RALGDS: variants seen among roughly 807,000 people sequenced by gnomAD.
RALGDS encodes ral guanine nucleotide dissociation stimulator.
A neutral mutation model predicts 99.8 loss-of-function variants in RALGDS; 44 were observed. The observed-to-expected ratio is 0.44, with a 90% CI of 0.35 to 0.57. The LOEUF (loss-of-function observed/expected upper bound fraction) is 0.57. Ranked by LOEUF, RALGDS falls within the 20% of genes least tolerant of loss-of-function variation. The pLI is 0.01. For synonymous variants in RALGDS, 529 were observed against 505.0 expected, an observed-to-expected ratio of 1.05 and a Z score of -0.64; for missense variants, 1,022 against 1,203.1, an observed-to-expected ratio of 0.85 and a Z score of 2.23.
At chr9:133,115,247 T>TG (rs924056172) in intron 1 of RALGDS, among the ~76,000 whole-genome samples, 1 of 152,202 alleles carries the variant, frequency 6.6e-6, no homozygotes, top group Non-Finnish European at 1.5e-5. Context: ...CCGTAGCTAG[T>TG]GGCCCCCTGC....
chr9:133,101,471 C>T, intron 16 of RALGDS, 49 bp downstream of exon 16: 4 of 1,607,452 alleles, frequency 2.5e-6, no homozygotes, highest in Non-Finnish European at 3.4e-6. Flanking sequence ...GTTCAGGGTG[C>T]ATTTGCCGCC....
At position 133,105,836 on chromosome 9, in the gene RALGDS, AGCCCCC is replaced by A. The variant is rs578071557; in HGVS notation, c.1602+90_1602+95del. ...CGCCCGCCGCCCCAGCCCCCGCCCCAGCCCCCGCCCCAGCCCCCGCCCCAGCCCCAG... is the reference window on the plus strand; with the variant it reads ...CGCCCGCCGCCCCAGCCCCCGCCCCAGCCCCAGCCCCCGCCCCAGCCCCAG... On this transcript the variant is annotated intron_variant, in intron 9 of 17. Coordinates refer to ENST00000372050, the MANE Select transcript of RALGDS (RefSeq NM_006266.4). The A allele has an allele frequency of 2.7e-3, 512 of 188,262 alleles. 21 individuals carry two copies. The African/African-American group carries it at 0.037, about 14-fold the overall frequency. 11.7% of individuals were successfully genotyped at this position (188,262 alleles called of 1,614,324 possible). A position where few individuals can be genotyped will look rare whatever the true frequency, so the allele number is the denominator to read the frequency against.
At chr9:133,136,881 G>A (rs1367628244) in intron 1 of RALGDS, among the ~76,000 whole-genome samples, 3 of 152,100 alleles carry the variant, frequency 2.0e-5, no homozygotes. Context: ...AGGTTGCAGT[G>A]AGCTGAGATA....
At chr9:133,134,147 C>CTAGGTAG (rs1832389178), upstream of RALGDS, among the ~76,000 whole-genome samples, 4 of 152,208 alleles carry the variant, frequency 2.6e-5, no homozygotes, top group Admixed American at 1.3e-4. Context: ...TCAGGCCCAG[C>CTAGGTAG]CGGCTCTGCT....
intron 5 of RALGDS, 100 bp downstream of exon 5, chr9:133,108,573 G>A: frequency 1.3e-6 from 2 of 1,488,242 alleles, no homozygotes; most frequent in East Asian, 2.4e-5. Context: ...GGCTCATCTG[G>A]GCCCCTGACC....
intron 16 of RALGDS, chr9:133,101,208 C>T (rs773245665): frequency 2.5e-5 from 31 of 1,242,812 alleles, no homozygotes; most frequent in Admixed American, 1.0e-4. Flanking sequence ...TCTTCCTCCC[C>T]GAGAAAGTCG....
intron 1 of RALGDS, among the ~76,000 whole-genome samples, chr9:133,143,866 C>G (rs1302917772): frequency 6.7e-6 from 1 of 149,310 alleles, no homozygotes; most frequent in South Asian, 2.1e-4. Flanking sequence ...GGCCAGCGGC[C>G]CGCTGTGCAC....
At chr9:133,135,063 C>G (rs1318002675), upstream of RALGDS, among the ~76,000 whole-genome samples, 1 of 152,164 alleles carries the variant, frequency 6.6e-6, no homozygotes, top group Non-Finnish European at 1.5e-5. Flanking sequence ...GTGCAAGTAT[C>G]TCAATGACCT....
At position 133,109,476 on chromosome 9, in the gene RALGDS, C is replaced by A. The variant is rs73558437; in HGVS notation, c.584+150G>T. 5,234 of 760,650 alleles carry A rather than the reference C, an allele frequency of 6.9e-3. 196 individuals carry two copies. The African/African-American group carries it at 0.078, about 11-fold the overall frequency. The allele number at this position is 760,650 out of a possible 1,614,324, so 47.1% of individuals were successfully genotyped here. A position where few individuals can be genotyped will look rare whatever the true frequency, so the allele number is the denominator to read the frequency against. On this transcript the variant is annotated intron_variant, in intron 4 of 17. Coordinates refer to ENST00000372050, the MANE Select transcript of RALGDS (RefSeq NM_006266.4). ...GTCGTCTTTCTTCCTGCAGGCGAAG[C>A]CCCCAGACCCCAGCCCTCTAGCAGG...
At chr9:133,120,438 C>A (rs865853055) in intron 1 of RALGDS, among the ~76,000 whole-genome samples, 23 of 143,200 alleles carry the variant, frequency 1.6e-4, no homozygotes, top group African/African-American at 4.9e-4. Flanking sequence ...ACCCCCCCCC[C>A]ACCCCGCTCT....
chr9:133,114,544 G>C (rs745656656), intron 1 of RALGDS, among the ~76,000 whole-genome samples: 25 of 152,228 alleles, frequency 1.6e-4, no homozygotes, highest in Admixed American at 5.2e-4. Context: ...AGCACCCACA[G>C]GCCACCCTAG....
chr9:133,112,005 A>C (rs1216477391), intron 2 of RALGDS, 37 bp downstream of exon 2: 1 of 1,467,956 alleles, frequency 6.8e-7, no homozygotes, highest in Non-Finnish European at 9.3e-7. Context: ...AGGGATCCCC[A>C]GCTGCGTCTC....
chr9:133,118,466 G>A (rs1831732799), intron 1 of RALGDS, among the ~76,000 whole-genome samples: 1 of 152,230 alleles, frequency 6.6e-6, no homozygotes, highest in Admixed American at 6.5e-5. Context: ...TGGTCACTCT[G>A]TGCAATCTAA....
chr9:133,102,761 T>C lies in RALGDS; in HGVS notation c.1913+18A>G, dbSNP rs1273418139. On this transcript the variant is annotated intron_variant, in intron 13 of 17. Transcript: ENST00000372050. ...GACAGCCTGCCCCCACTGTCCCCAT[T>C]TGCTGCCCCGGCCTCACCTCTCAGT... The C allele has an allele frequency of 6.2e-7, 1 of 1,609,422 alleles. No individual in the cohort carries two copies. The highest frequency in any genetic ancestry group is 8.5e-7 in the Non-Finnish European group (1 of 1,179,244).
chr9:133,121,019 C>T lies in RALGDS; in HGVS notation c.136G>A (p.Val46Met). ...TCTAGCTGCGTGAAGCTGTGCAGCACCACCGGGCAGCTGTCGGGGACGCCC... is the reference window on the plus strand; with the variant it reads ...TCTAGCTGCGTGAAGCTGTGCAGCATCACCGGGCAGCTGTCGGGGACGCCC... ...EVGVPDSCPV[V>M]LHSFTQLDPD... Residue 46 changes from valine (V) to methionine (M), a missense_variant, in exon 1 of 18, where the codon GTG becomes ATG. Val to Met is a conservative substitution (Grantham distance 21). This residue lies in a region of RALGDS where 180 missense variants were observed against 169.3 expected (regional missense o/e 1.06). Transcript: ENST00000372050. 1 of 1,497,658 alleles carries T rather than the reference C, an allele frequency of 6.7e-7. No individual in the cohort carries two copies. Among genetic ancestry groups the T allele is most frequent in the African/African-American group, 1.5e-5 (1 of 68,856 alleles). The allele number at this position is 1,497,658 out of a possible 1,614,324, so 92.8% of individuals were successfully genotyped here.
chr9:133,133,821 C>G (rs1232671886), upstream of RALGDS, among the ~76,000 whole-genome samples: 1 of 152,246 alleles, frequency 6.6e-6, no homozygotes, highest in East Asian at 1.9e-4. Context: ...AAACCCAACC[C>G]ACAGGCACCT....
At chr9:133,117,860 A>T (rs1020300210) in intron 1 of RALGDS, among the ~76,000 whole-genome samples, 2 of 152,204 alleles carry the variant, frequency 1.3e-5, no homozygotes, top group African/African-American at 4.8e-5. Flanking sequence ...GCTCGTTCAG[A>T]GCCTGCCTGC....
intron 6 of RALGDS, 69 bp downstream of exon 6, chr9:133,107,919 G>A: frequency 6.4e-7 from 1 of 1,570,602 alleles, no homozygotes. Flanking sequence ...TCAGCAAATG[G>A]TAGGTCTGGG....
chr9:133,115,284 G>T (rs577738331), intron 1 of RALGDS, among the ~76,000 whole-genome samples: 1 of 152,192 alleles, frequency 6.6e-6, no homozygotes, highest in Admixed American at 6.5e-5. Context: ...GGAACTCACC[G>T]GCCCCTCCCA....
Sources: gnomAD v4.1 joint callset for allele counts (sites outside exome capture counted in the v4.1 genomes callset) on GRCh38, gnomAD v4.1.1 for gene constraint, gnomAD v4.1.1 regional missense constraint, MANE v1.5 for transcripts, NCBI Gene and HGNC (gene_info 2026-07-23, HGNC 2026-07-21) for gene names.